TECTA: variants seen among roughly 807,000 people sequenced by gnomAD.
TECTA encodes tectorin alpha.
TECTA carries 128 observed loss-of-function variants against 216.8 expected under a neutral mutation model. The ratio of observed to expected loss-of-function variants is 0.59; its 90% confidence interval spans 0.51 to 0.68. The LOEUF (loss-of-function observed/expected upper bound fraction) is 0.68, where lower values mean the gene tolerates loss of function less well. Ranked by LOEUF, TECTA falls within the 30% of genes least tolerant of loss-of-function variation. The pLI, the probability that TECTA is intolerant of heterozygous loss-of-function variation, is 0.00. For synonymous variants in TECTA, 1,089 were observed against 1,117.1 expected, an observed-to-expected ratio of 0.97 and a Z score of 0.50; for missense variants, 2,551 against 2,786.2, an observed-to-expected ratio of 0.92 and a Z score of 1.90.
rs1946748286 is a variant in TECTA, at chr11:121,137,953, T to G, written c.3474T>G (p.Val1158=). The change falls in exon 11 of 24, where the codon GTT becomes GTG. Residue 1158 remains valine, a synonymous_variant. Coordinates refer to ENST00000392793, the MANE Select transcript of TECTA (RefSeq NM_005422.4). ...GGGACCCGTCACTGGCCTTGTGGGT[T>G]AAGCAGGTGGACGTGACCGTGTTTG... ...EDRDPSLALW[V]KQVDVTVFGY... is the part of the protein sequence containing the mutation. The G allele has an allele frequency of 6.2e-7, 1 of 1,612,382 alleles. No homozygotes were observed. The highest frequency in any genetic ancestry group is 8.5e-7 in the Non-Finnish European group (1 of 1,178,652).
chr11:121,117,169 A>G (rs1165354010), intron 6 of TECTA, among the ~76,000 whole-genome samples: 2 of 152,226 alleles, frequency 1.3e-5, no homozygotes, highest in African/African-American at 4.8e-5. Flanking sequence ...CTTTTCAGAC[A>G]TTCTCATTTT....
At chr11:121,158,513 T>C (rs1946967380) in intron 14 of TECTA, among the ~76,000 whole-genome samples, 1 of 152,226 alleles carries the variant, frequency 6.6e-6, no homozygotes, top group African/African-American at 2.4e-5. Flanking sequence ...AATTGTTAGA[T>C]AAATCAGTTT....
intron 11 of TECTA, among the ~76,000 whole-genome samples, chr11:121,143,940 C>G (rs1325021810): frequency 6.6e-6 from 1 of 152,178 alleles, no homozygotes; most frequent in Non-Finnish European, 1.5e-5. Context: ...AAGGACTACC[C>G]TTGAATTAGG....
At chr11:121,115,304 A>G (rs1406751872) in intron 6 of TECTA, among the ~76,000 whole-genome samples, 10 of 152,166 alleles carry the variant, frequency 6.6e-5, no homozygotes, top group Non-Finnish European at 1.5e-4. Context: ...AAGCCATTGC[A>G]TCTTTCTGAA....
At chr11:121,177,597 C>T (rs1285870145) in intron 20 of TECTA, among the ~76,000 whole-genome samples, 1 of 152,244 alleles carries the variant, frequency 6.6e-6, no homozygotes, top group African/African-American at 2.4e-5. Flanking sequence ...TGGAGGGTGC[C>T]TCCCAGTTAG....
intron 2 of TECTA, among the ~76,000 whole-genome samples, chr11:121,103,876 G>T (rs575887733): frequency 1.3e-5 from 2 of 151,994 alleles, no homozygotes; most frequent in Non-Finnish European, 2.9e-5. Flanking sequence ...TTAACAGTCC[G>T]TTCTTTCCTA....
chr11:121,167,120 T>C (rs1030089128), intron 18 of TECTA, among the ~76,000 whole-genome samples: 1 of 152,040 alleles, frequency 6.6e-6, no homozygotes, highest in African/African-American at 2.4e-5. Flanking sequence ...GGTAAGGGAG[T>C]CCCGAACCTC....
At position 121,189,762 on chromosome 11, in the gene TECTA, A is replaced by G; in HGVS notation, c.6251-2A>G. On this transcript the variant is annotated splice_acceptor_variant, in intron 22 of 23. Transcript: ENST00000392793. LOFTEE classifies it high-confidence loss of function. ...TTAATCTTCCTAACTGCTCTTTTGT[A>G]GGGCTGGACTGGTGTGAGGACAATG... 6.2e-7 allele frequency: 1 copy of G among 1,613,466 alleles called. No individual in the cohort carries two copies. The highest frequency in any genetic ancestry group is 1.1e-5 in the South Asian group (1 of 91,066).
chr11:121,188,510 C>CA (rs1394387673), intron 21 of TECTA, among the ~76,000 whole-genome samples: 1 of 152,136 alleles, frequency 6.6e-6, no homozygotes, highest in Non-Finnish European at 1.5e-5. Context: ...ACAATGTATC[C>CA]AGGTGTCCTG....
intron 16 of TECTA, 68 bp downstream of exon 16, chr11:121,162,438 G>C: frequency 6.5e-7 from 1 of 1,535,830 alleles, no homozygotes; most frequent in Non-Finnish European, 8.8e-7. Context: ...TGGTAGCATT[G>C]CTTTTTCTAG....
chr11:121,148,590 G>A (rs1377314895), intron 12 of TECTA, among the ~76,000 whole-genome samples: 1 of 152,122 alleles, frequency 6.6e-6, no homozygotes, highest in African/African-American at 2.4e-5. Context: ...TCCCCATCAT[G>A]TGAGGGCAGG....
intron 18 of TECTA, among the ~76,000 whole-genome samples, chr11:121,167,257 C>A (rs1292106367): frequency 6.6e-6 from 1 of 152,126 alleles, no homozygotes; most frequent in Admixed American, 6.5e-5. Context: ...ATCGCAAGAC[C>A]CTGTCTCTAT....
At position 121,125,534 on chromosome 11, in the gene TECTA, C is replaced by T. The variant is rs35107075; in HGVS notation, c.1436C>T (p.Pro479Leu). The T allele has an allele frequency of 8.5e-4, 1,375 of 1,614,162 alleles. 6 individuals carry two copies. Among genetic ancestry groups the T allele is most frequent in the South Asian group, 6.8e-3 (617 of 91,088 alleles). Residue 479 changes from proline to leucine, a missense_variant, in exon 8 of 24, where the codon CCG (proline) becomes CTG (leucine). Physicochemically the swap from Pro to Leu is moderately conservative, Grantham distance 98. Transcript: ENST00000392793. ...LDDFLRPDGRPAMSVLDLGES... is the reference protein window; with the variant it reads ...LDDFLRPDGRLAMSVLDLGES... ...GACTTCCTCCGCCCGGATGGCAGGC[C>T]GGCCATGTCTGTCCTGGATCTGGGA... is the stretch of plus-strand genomic sequence containing the variant.
chr11:121,103,353 G>C (rs141391199), intron 2 of TECTA, among the ~76,000 whole-genome samples: 1 of 152,174 alleles, frequency 6.6e-6, no homozygotes, highest in Non-Finnish European at 1.5e-5. Context: ...AACTTTTTAT[G>C]GCTAAAATTC....
In TECTA at chr11:121,146,102, A is replaced by T; in HGVS notation, c.4091A>T (p.Asn1364Ile). The change falls in exon 12 of 24, where the codon AAT (asparagine) becomes ATT (isoleucine). Residue 1364 changes from asparagine (N) to isoleucine (I), a missense_variant. Around this residue, in one of 3 missense-constraint regions of TECTA, gnomAD observed 2,375 missense variants for 2,563.9 expected, o/e 0.93. Coordinates refer to ENST00000392793, the MANE Select transcript of TECTA (RefSeq NM_005422.4). ...GGGATTACGGTGACTGGCTGGAGGA[A>T]TTACACGTCCTGCAGTGAGTCCTTC... ...TQGITVTGWR[N>I]YTSCTVTCPP... 1 of 1,609,518 alleles carries T rather than the reference A, an allele frequency of 6.2e-7. No homozygotes were observed. The highest frequency in any genetic ancestry group is 2.2e-5 in the East Asian group (1 of 44,886).
chr11:121,121,075 G>C (rs887006956), intron 7 of TECTA, among the ~76,000 whole-genome samples: 10 of 152,154 alleles, frequency 6.6e-5, no homozygotes, highest in South Asian at 6.2e-4. Flanking sequence ...GACTAGGAGG[G>C]GTCAGGCTCT....
chr11:121,133,233 C>T (rs1310560749), intron 10 of TECTA, among the ~76,000 whole-genome samples: 1 of 152,208 alleles, frequency 6.6e-6, no homozygotes, highest in Non-Finnish European at 1.5e-5. Flanking sequence ...TTCCCTGTCT[C>T]TTCCTTCCTC....
chr11:121,134,248 G>A (rs896857868), intron 10 of TECTA, among the ~76,000 whole-genome samples: 1 of 151,978 alleles, frequency 6.6e-6, no homozygotes, highest in Admixed American at 6.6e-5. Flanking sequence ...AAGATGTAAG[G>A]GAGGTGTCCC....
chr11:121,146,510 T>C (rs1319449876), intron 12 of TECTA, among the ~76,000 whole-genome samples: 1 of 152,208 alleles, frequency 6.6e-6, no homozygotes, highest in Non-Finnish European at 1.5e-5. Context: ...GCATGCTTTG[T>C]CTAAGCATGT....
Sources: gnomAD v4.1 joint callset for allele counts (sites outside exome capture counted in the v4.1 genomes callset) on GRCh38, gnomAD v4.1.1 for gene constraint, gnomAD v4.1.1 regional missense constraint, MANE v1.5 for transcripts, NCBI Gene and HGNC (gene_info 2026-07-23, HGNC 2026-07-21) for gene names.